The following TVP23A variants were observed in gnomAD, a reference collection of about 807,000 sequenced individuals.
TVP23A encodes the protein trans-golgi network vesicle protein 23 homolog A, also known as Golgi apparatus membrane protein TVP23 homolog A.
TVP23A carries 21 observed loss-of-function variants against 31.7 expected under a neutral mutation model. That is an observed-to-expected ratio of 0.66 (90% CI 0.47 to 0.95). The LOEUF (loss-of-function observed/expected upper bound fraction) is 0.95, where lower values mean the gene tolerates loss of function less well. Ranked by LOEUF, TVP23A falls within the 40% of genes least tolerant of loss-of-function variation. The pLI, the probability that TVP23A is intolerant of heterozygous loss-of-function variation, is 0.00. For synonymous variants in TVP23A, 104 were observed against 96.0 expected (o/e 1.08, Z -0.49); for missense variants, 279 against 255.6 (o/e 1.09, Z -0.62).
At chr16:10,798,900 G>C (rs773168781) in intron 2 of TVP23A, among the ~76,000 whole-genome samples, 27 of 152,190 alleles carry the variant, frequency 1.8e-4, no homozygotes, top group Non-Finnish European at 3.2e-4. Context: ...CTGACCTCAT[G>C]ATCTGCCTGC....
At chr16:10,786,013 C>T (rs940200742) in intron 2 of TVP23A, among the ~76,000 whole-genome samples, 1 of 151,994 alleles carries the variant, frequency 6.6e-6, no homozygotes, top group African/African-American at 2.4e-5. Context: ...TGGGAGGGGT[C>T]TTCCAGGTCA....
chr16:10,783,972 A>G (rs921540811), intron 2 of TVP23A, among the ~76,000 whole-genome samples: 21 of 152,134 alleles, frequency 1.4e-4, no homozygotes, highest in African/African-American at 5.1e-4. Context: ...GGGGACTTTT[A>G]GAGCTGGGAA....
intron 5 of TVP23A, among the ~76,000 whole-genome samples, chr16:10,772,595 C>G (rs930716235): frequency 6.6e-6 from 1 of 152,204 alleles, no homozygotes; most frequent in African/African-American, 2.4e-5. Flanking sequence ...GTCTCAAACT[C>G]CTGACCTCAG....
At chr16:10,795,470 C>T (rs1296313895) in intron 2 of TVP23A, among the ~76,000 whole-genome samples, 1 of 152,004 alleles carries the variant, frequency 6.6e-6, no homozygotes, top group Non-Finnish European at 1.5e-5. Context: ...AGGCTAGTCT[C>T]GAACTCCTGA....
chr16:10,766,416 A>C (rs1392082590), downstream of TVP23A, among the ~76,000 whole-genome samples: 1 of 152,006 alleles, frequency 6.6e-6, no homozygotes, highest in African/African-American at 2.4e-5. This position sits in a 1 kb window ranked among gnomAD's most constrained non-coding sequence, Gnocchi z 4.8. Flanking sequence ...TGCAGTTAGG[A>C]AGGGAAAACA....
chr16:10,798,340 G>C (rs1373994930), intron 2 of TVP23A, among the ~76,000 whole-genome samples: 3 of 152,018 alleles, frequency 2.0e-5, no homozygotes, highest in Non-Finnish European at 4.4e-5. Flanking sequence ...GTGACCTTGA[G>C]CAAGTAAGTC....
At chr16:10,770,578 CA>C (rs869164860) in intron 6 of TVP23A, among the ~76,000 whole-genome samples, 2 of 134,950 alleles carry the variant, frequency 1.5e-5, no homozygotes, top group African/African-American at 5.6e-5. Flanking sequence ...AAAAAAAAAA[CA>C]AAACAAAAAC....
intron 2 of TVP23A, among the ~76,000 whole-genome samples, chr16:10,794,736 C>A (rs900790584): frequency 6.6e-6 from 1 of 152,088 alleles, no homozygotes; most frequent in Non-Finnish European, 1.5e-5. Flanking sequence ...TACTCCCCAG[C>A]TAGGTACCTG....
At chr16:10,765,611 C>T (rs1044552072), downstream of TVP23A, among the ~76,000 whole-genome samples, 1 of 152,210 alleles carries the variant, frequency 6.6e-6, no homozygotes, top group Non-Finnish European at 1.5e-5. The surrounding 1 kb of genome is among the most constrained non-coding windows in gnomAD (Gnocchi z 4.0). Flanking sequence ...AGGAAGTGAC[C>T]TTGGGGCTAT....
chr16:10,771,754 A>G lies in TVP23A; in HGVS notation c.498T>C (p.Tyr166=), dbSNP rs1167694177. The change falls in exon 6 of 8, where the codon TAT becomes TAC. Residue 166 remains tyrosine, a synonymous_variant. Transcript: ENST00000299866. ...AGISLQAANL[Y]GYILCKMGGN... is the part of the protein sequence containing the mutation. ...CTCCCATCTTACAAAGGATGTAGCC[A>G]TACAGGTTTGCAGCTTGGAGAGAGA... is the stretch of plus-strand genomic sequence containing the variant. 1.9e-6 allele frequency: 3 copies of G among 1,602,712 alleles called. No homozygotes were observed. Among genetic ancestry groups the G allele is most frequent in the Non-Finnish European group, 1.7e-6 (2 of 1,174,494 alleles).
At chr16:10,762,675 G>A (rs2142768855), downstream of TVP23A, among the ~76,000 whole-genome samples, 1 of 152,242 alleles carries the variant, frequency 6.6e-6, no homozygotes, top group East Asian at 1.9e-4. Flanking sequence ...ATCCAGGAGT[G>A]CCGGCTGCAC....
At chr16:10,798,811 A>ACAC (rs2033545053) in intron 2 of TVP23A, among the ~76,000 whole-genome samples, 1 of 151,974 alleles carries the variant, frequency 6.6e-6, no homozygotes, top group Admixed American at 6.6e-5. Flanking sequence ...TTACAGGCAC[A>ACAC]CACCACCACA....
intron 2 of TVP23A, among the ~76,000 whole-genome samples, chr16:10,787,958 A>C (rs552761832): frequency 6.6e-6 from 1 of 152,290 alleles, no homozygotes; most frequent in Admixed American, 6.5e-5. Flanking sequence ...AAAATATTTA[A>C]AGAGATTAAT....
chr16:10,770,276 T>TG lies in TVP23A; in HGVS notation c.637dup (p.His213ProfsTer11). On this transcript the variant is annotated frameshift_variant, in exon 7 of 8. Coordinates refer to ENST00000299866, the MANE Select transcript of TVP23A (RefSeq NM_001079512.4). LOFTEE classifies it high-confidence loss of function. Reference sequence around the variant, plus strand: ...GTGCCATGATCCATTTCTCACCTAATGCTGGTGAATCTCCAGCCCCTCGAG... The same window carrying TG: ...GTGCCATGATCCATTTCTCACCTAATGGCTGGTGAATCTCCAGCCCCTCGAG... 1 of 1,550,980 alleles carries TG rather than the reference T, an allele frequency of 6.4e-7. No homozygotes were observed. Among genetic ancestry groups the TG allele is most frequent in the South Asian group, 1.2e-5 (1 of 83,932 alleles).
downstream of TVP23A, among the ~76,000 whole-genome samples, chr16:10,760,167 C>G (rs1900843304): frequency 6.6e-6 from 1 of 152,236 alleles, no homozygotes; most frequent in South Asian, 2.1e-4. Flanking sequence ...TTATAATTAT[C>G]TAGAGCAGGG....
chr16:10,815,970 C>G (rs1333467726), intron 2 of TVP23A, among the ~76,000 whole-genome samples: 2 of 151,970 alleles, frequency 1.3e-5, no homozygotes, highest in Non-Finnish European at 2.9e-5. Context: ...GCCTGTAATC[C>G]CAAGGCTTTA....
At chr16:10,772,237 T>C (rs191619631) in intron 5 of TVP23A, among the ~76,000 whole-genome samples, 5 of 152,316 alleles carry the variant, frequency 3.3e-5, no homozygotes, top group East Asian at 1.9e-4. Flanking sequence ...AAGAGGAAAC[T>C]GAGGCTCAGG....
At chr16:10,759,166 C>A (rs375986776), downstream of TVP23A, among the ~76,000 whole-genome samples, 32 of 152,342 alleles carry the variant, frequency 2.1e-4, no homozygotes, top group African/African-American at 7.7e-4. This position sits in a 1 kb window ranked among gnomAD's most constrained non-coding sequence, Gnocchi z 4.7. Flanking sequence ...ACATGCCGGG[C>A]ACCAGGGCAG....
At chr16:10,778,402 G>A (rs1292686060) in intron 2 of TVP23A, among the ~76,000 whole-genome samples, 9 of 152,184 alleles carry the variant, frequency 5.9e-5, no homozygotes, top group Admixed American at 1.3e-4. Context: ...AGACTCTTGG[G>A]TGTCTCTTTT....
Sources: allele counts gnomAD v4.1 joint callset (sites outside exome capture counted in the v4.1 genomes callset), GRCh38; gene constraint gnomAD v4.1.1; non-coding constraint Gnocchi (gnomAD v3.1); transcripts MANE v1.5; gene names NCBI Gene and HGNC (gene_info 2026-07-23, HGNC 2026-07-21).